Variants in JAKMIP2 observed in about 807,000 individuals in gnomAD.
The protein encoded by JAKMIP2 is janus kinase and microtubule-interacting protein 2.
In JAKMIP2, 25 loss-of-function variants were observed where a neutral mutation model predicts 115.0. That is an observed-to-expected ratio of 0.22 (90% CI 0.16 to 0.30). The LOEUF (loss-of-function observed/expected upper bound fraction) is 0.30. Among genes scored for constraint, JAKMIP2 ranks in the 10% least tolerant of loss-of-function variants. The probability of loss-of-function intolerance (pLI) is 1.00; values close to 1 mark genes in which losing one functional copy is unlikely to be tolerated. For synonymous variants in JAKMIP2, 334 were observed against 343.6 expected (o/e 0.97, Z 0.31); for missense variants, 642 against 957.6 (o/e 0.67, Z 4.35).
chr5:147,738,277 C>A (rs902422561), intron 1 of JAKMIP2, among the ~76,000 whole-genome samples: 1 of 152,080 alleles, frequency 6.6e-6, no homozygotes, highest in East Asian at 1.9e-4. Flanking sequence ...CATCAGAGCC[C>A]CATATAAACT....
intron 1 of JAKMIP2, among the ~76,000 whole-genome samples, chr5:147,752,874 T>C (rs1464720912): frequency 6.6e-6 from 1 of 152,136 alleles, no homozygotes; most frequent in Non-Finnish European, 1.5e-5. Context: ...TCTGCTGAGA[T>C]GGGGAGTTCT....
chr5:147,721,660 T>C (rs1235192684), intron 1 of JAKMIP2, among the ~76,000 whole-genome samples: 1 of 152,238 alleles, frequency 6.6e-6, no homozygotes, highest in Non-Finnish European at 1.5e-5. Flanking sequence ...GGGAACTCCC[T>C]GACCCCTTGC....
chr5:147,694,273 T>C (rs1290667712), intron 1 of JAKMIP2, among the ~76,000 whole-genome samples: 2 of 152,142 alleles, frequency 1.3e-5, no homozygotes, highest in Admixed American at 6.6e-5. Flanking sequence ...GAGGATAAAG[T>C]TGATTTTCCA....
chr5:147,721,351 C>A (rs1290043396), intron 1 of JAKMIP2, among the ~76,000 whole-genome samples: 2 of 152,224 alleles, frequency 1.3e-5, no homozygotes, highest in East Asian at 3.9e-4. Flanking sequence ...GGCAGGCAAG[C>A]CTCCTTGAGC....
chr5:147,759,786 A>G (rs535088306), intron 1 of JAKMIP2, among the ~76,000 whole-genome samples: 4 of 152,260 alleles, frequency 2.6e-5, no homozygotes, highest in Non-Finnish European at 1.5e-5. Flanking sequence ...TGCAAAGTCA[A>G]TTCGTAGGAT....
At chr5:147,618,186 G>A in intron 18 of JAKMIP2, 72 bp from the exon 19 acceptor site, 1 of 1,080,650 alleles carries the variant, frequency 9.3e-7, no homozygotes, top group Non-Finnish European at 1.4e-6. Context: ...TGTATGCTAT[G>A]TATGTATATG....
intron 1 of JAKMIP2, among the ~76,000 whole-genome samples, chr5:147,702,853 G>A (rs1009770642): frequency 1.3e-5 from 2 of 151,966 alleles, no homozygotes; most frequent in East Asian, 1.9e-4. Flanking sequence ...AATTTGAGTT[G>A]TGTTTTGGCA....
At chr5:147,662,161 TACACACACAC>T (rs61492351) in intron 2 of JAKMIP2, among the ~76,000 whole-genome samples, 2 of 147,046 alleles carry the variant, frequency 1.4e-5, no homozygotes, top group Non-Finnish European at 3.0e-5. Flanking sequence ...CCCCAAGTTT[TACACACACAC>T]ACACACACAC....
chr5:147,651,488 G>T (rs1758392104), intron 3 of JAKMIP2, among the ~76,000 whole-genome samples: 1 of 152,142 alleles, frequency 6.6e-6, no homozygotes, highest in South Asian at 2.1e-4. Flanking sequence ...TATATTCTAT[G>T]TGTACATTCA....
At chr5:147,766,033 A>T (rs17717032) in intron 1 of JAKMIP2, among the ~76,000 whole-genome samples, 19,149 of 152,134 alleles carry the variant, frequency 0.13, 1,735 homozygotes, top group East Asian at 0.4. Flanking sequence ...TTAAAAACTT[A>T]GAGGTTAAAT....
intron 1 of JAKMIP2, among the ~76,000 whole-genome samples, chr5:147,702,579 G>GAAA (rs1561547232): frequency 5.2e-4 from 42 of 80,528 alleles, no homozygotes; most frequent in African/African-American, 1.8e-3. Flanking sequence ...AAAGAAAGAA[G>GAAA]GAAAGAAAGA....
chr5:147,692,311 C>T (rs1040569023), intron 1 of JAKMIP2, among the ~76,000 whole-genome samples: 1 of 152,158 alleles, frequency 6.6e-6, no homozygotes, highest in African/African-American at 2.4e-5. Flanking sequence ...CTTCTTAGAG[C>T]TCCGGAAAGA....
At chr5:147,678,087 C>A (rs1760068447) in intron 1 of JAKMIP2, among the ~76,000 whole-genome samples, 1 of 152,158 alleles carries the variant, frequency 6.6e-6, no homozygotes, top group Non-Finnish European at 1.5e-5. Flanking sequence ...TTACTGCAAC[C>A]TTTGCCCCCC....
At chr5:147,651,810 C>T (rs1011509562) in intron 3 of JAKMIP2, among the ~76,000 whole-genome samples, 1 of 152,126 alleles carries the variant, frequency 6.6e-6, no homozygotes, top group South Asian at 2.1e-4. Flanking sequence ...AATATTGTCC[C>T]GTTAATTGGG....
chr5:147,635,258 ATG>A (rs987256948), intron 12 of JAKMIP2, among the ~76,000 whole-genome samples: 4 of 152,206 alleles, frequency 2.6e-5, no homozygotes, highest in African/African-American at 9.7e-5. Flanking sequence ...TGAACTGAAA[ATG>A]TGTTATGTTT....
chr5:147,594,517 A>G, intron 21 of JAKMIP2: 1 of 428,096 alleles, frequency 2.3e-6, no homozygotes, highest in Non-Finnish European at 4.8e-6. Flanking sequence ...GTACTTTTGT[A>G]GAGATGGGAT....
At chr5:147,631,324 A>G (rs1757338114) in intron 14 of JAKMIP2, 89 bp downstream of exon 14, 2 of 715,388 alleles carry the variant, frequency 2.8e-6, no homozygotes, top group Non-Finnish European at 4.7e-6. Flanking sequence ...CCAGTGACTG[A>G]AAGACAAAAT....
chr5:147,715,312 T>A (rs376400682), intron 1 of JAKMIP2, among the ~76,000 whole-genome samples: 1 of 151,914 alleles, frequency 6.6e-6, no homozygotes, highest in Admixed American at 6.6e-5. Context: ...ATATCAGTAA[T>A]TGTATTAAAT....
At chr5:147,740,488 G>A (rs1470944952) in intron 1 of JAKMIP2, among the ~76,000 whole-genome samples, 2 of 152,196 alleles carry the variant, frequency 1.3e-5, no homozygotes, top group African/African-American at 4.8e-5. Context: ...AGTTGATTGA[G>A]AGCCTTGCCC....
Sources: allele counts gnomAD v4.1 joint callset (sites outside exome capture counted in the v4.1 genomes callset), GRCh38; gene constraint gnomAD v4.1.1; transcripts MANE v1.5; gene names NCBI Gene and HGNC (gene_info 2026-07-23, HGNC 2026-07-21).